Variants in GRIK1 observed in about 807,000 individuals in gnomAD.
GRIK1 encodes glutamate ionotropic receptor kainate type subunit 1, also known as glutamate receptor ionotropic, kainate 1.
Under a neutral mutation model 105.7 loss-of-function variants are expected in GRIK1, and 69 were observed. That is an observed-to-expected ratio of 0.65 (90% CI 0.54 to 0.80). The LOEUF (loss-of-function observed/expected upper bound fraction) is 0.80, where lower values mean the gene tolerates loss of function less well. GRIK1 is among the 30% of genes least tolerant of loss of function. GRIK1 has a pLI of 0.00. For missense variants in GRIK1, 1,109 were observed against 1,167.3 expected, an observed-to-expected ratio of 0.95 and a Z score of 0.73; for synonymous variants, 438 against 431.3, an observed-to-expected ratio of 1.02 and a Z score of -0.19.
At chr21:29,596,422 A>T (rs768984066) in intron 9 of GRIK1, 104 bp downstream of exon 9, 2 of 813,464 alleles carry the variant, frequency 2.5e-6, no homozygotes, top group East Asian at 4.8e-5. Flanking sequence ...CTAAACTGCA[A>T]TTGGAGAGCT....
chr21:29,912,037 A>G (rs1251779809), intron 1 of GRIK1, among the ~76,000 whole-genome samples: 2 of 152,114 alleles, frequency 1.3e-5, no homozygotes, highest in Non-Finnish European at 2.9e-5. Context: ...ATACACATAC[A>G]CACAAACACA....
At chr21:29,560,288 T>TTTCTTTCTTTCTTTCC (rs2090363297) in intron 15 of GRIK1, among the ~76,000 whole-genome samples, 1 of 60,632 alleles carries the variant, frequency 1.6e-5, no homozygotes, top group East Asian at 3.8e-4. Context: ...GTTTTCTTTC[T>TTTCTTTCTTTCTTTCC]TTCTTTCTTT....
chr21:29,537,473 C>G, intron 17 of GRIK1, 88 bp from the exon 18 acceptor site: 2 of 1,073,480 alleles, frequency 1.9e-6, no homozygotes, highest in Non-Finnish European at 2.7e-6. Context: ...TTTATGAACA[C>G]AAGATATTGG....
chr21:29,560,519 C>CCTTCCTTTCTTTCTTTCTTT (rs2090436242), intron 15 of GRIK1, among the ~76,000 whole-genome samples: 14 of 57,808 alleles, frequency 2.4e-4, no homozygotes, highest in Admixed American at 4.1e-4. Context: ...TTCCTTCCTT[C>CCTTCCTTTCTTTCTTTCTTT]CTTTCTTTCT....
At chr21:29,861,410 A>T (rs2068632623) in intron 1 of GRIK1, among the ~76,000 whole-genome samples, 1 of 151,862 alleles carries the variant, frequency 6.6e-6, no homozygotes. Flanking sequence ...GGCTCAAGTG[A>T]TTCTCCTATC....
intron 1 of GRIK1, among the ~76,000 whole-genome samples, chr21:29,927,924 A>G (rs1051236493): frequency 1.3e-5 from 2 of 152,142 alleles, no homozygotes; most frequent in African/African-American, 4.8e-5. Flanking sequence ...ACACACATAT[A>G]CATATATATA....
At chr21:29,783,728 C>T (rs946154031) in intron 1 of GRIK1, among the ~76,000 whole-genome samples, 14 of 152,084 alleles carry the variant, frequency 9.2e-5, no homozygotes, top group African/African-American at 3.4e-4. Flanking sequence ...TACTTAGGTC[C>T]ATTAAAAAAT....
chr21:29,774,715 G>T (rs2065899425), intron 1 of GRIK1, among the ~76,000 whole-genome samples: 1 of 152,100 alleles, frequency 6.6e-6, no homozygotes, highest in Non-Finnish European at 1.5e-5. Context: ...CTCACAAAGT[G>T]TTGGGATTAC....
intron 16 of GRIK1, chr21:29,553,793 T>G: frequency 1.1e-6 from 1 of 899,918 alleles, no homozygotes; most frequent in Non-Finnish European, 1.7e-6. Context: ...TTACATCACA[T>G]GAAGCTGGCA....
At chr21:29,859,549 AG>A (rs1366170868) in intron 1 of GRIK1, among the ~76,000 whole-genome samples, 2 of 152,214 alleles carry the variant, frequency 1.3e-5, no homozygotes, top group Non-Finnish European at 2.9e-5. Context: ...ACTTGAATGT[AG>A]GGGGCACTCC....
intron 7 of GRIK1, among the ~76,000 whole-genome samples, chr21:29,599,952 GGC>G (rs2061488273): frequency 6.6e-6 from 1 of 152,178 alleles, no homozygotes; most frequent in Admixed American, 6.5e-5. Context: ...CAGGCGTGGT[GGC>G]GCATGCTTGT....
chr21:29,555,756 C>T (rs1235454488), intron 15 of GRIK1, among the ~76,000 whole-genome samples: 2 of 152,180 alleles, frequency 1.3e-5, no homozygotes, highest in Non-Finnish European at 2.9e-5. Flanking sequence ...TCAGACAGAG[C>T]AGTCTATTTG....
chr21:29,889,049 C>T (rs182888943), intron 1 of GRIK1, among the ~76,000 whole-genome samples: 1 of 152,298 alleles, frequency 6.6e-6, no homozygotes, highest in Admixed American at 6.5e-5. Flanking sequence ...GGGCAAAAAC[C>T]TTTGCAGGGA....
chr21:29,606,870 G>A (rs1180008805), intron 7 of GRIK1, among the ~76,000 whole-genome samples: 1 of 152,086 alleles, frequency 6.6e-6, no homozygotes, highest in Non-Finnish European at 1.5e-5. Context: ...GTCGAGAAGT[G>A]CCTTACCTAA....
At chr21:29,598,752 A>G (rs2061462477) in intron 8 of GRIK1, 78 bp downstream of exon 8, 3 of 659,656 alleles carry the variant, frequency 4.5e-6, no homozygotes, top group Non-Finnish European at 8.0e-6. Context: ...TCATTCACCT[A>G]CTTGTCTTTG....
At chr21:29,825,602 T>C (rs1174811405) in intron 1 of GRIK1, among the ~76,000 whole-genome samples, 2 of 152,086 alleles carry the variant, frequency 1.3e-5, no homozygotes, top group South Asian at 2.1e-4. Flanking sequence ...TTGATCATGA[T>C]GGGCTATTTT....
At chr21:29,933,133 T>C (rs904216466) in intron 1 of GRIK1, among the ~76,000 whole-genome samples, 39 of 152,306 alleles carry the variant, frequency 2.6e-4, no homozygotes, top group Non-Finnish European at 4.4e-4. Context: ...TGTTTTTTTT[T>C]ATTAATTTGT....
intron 1 of GRIK1, among the ~76,000 whole-genome samples, chr21:29,894,884 G>A (rs2070065529): frequency 6.6e-6 from 1 of 152,084 alleles, no homozygotes; most frequent in South Asian, 2.1e-4. Context: ...CCTGACAGAT[G>A]GTAAATTCCT....
intron 1 of GRIK1, among the ~76,000 whole-genome samples, chr21:29,710,440 C>A (rs987354226): frequency 6.6e-6 from 1 of 151,760 alleles, no homozygotes; most frequent in African/African-American, 2.4e-5. Flanking sequence ...AAATTCCATT[C>A]AGCTTAAAAA....
Sources: allele counts gnomAD v4.1 joint callset (sites outside exome capture counted in the v4.1 genomes callset), GRCh38; gene constraint gnomAD v4.1.1; transcripts MANE v1.5; gene names NCBI Gene and HGNC (gene_info 2026-07-23, HGNC 2026-07-21).